TCOF1: variants seen among roughly 807,000 people sequenced by gnomAD.
TCOF1 encodes the protein treacle ribosome biogenesis factor 1, also known as treacle protein.
A neutral mutation model predicts 149.0 loss-of-function variants in TCOF1; 33 were observed. The observed-to-expected ratio is 0.22, with a 90% CI of 0.17 to 0.30. The LOEUF (loss-of-function observed/expected upper bound fraction) is 0.30. TCOF1 is among the 10% of genes least tolerant of loss of function. The pLI is 1.00. For synonymous variants in TCOF1, 789 were observed against 738.8 expected (o/e 1.07, Z -1.10); for missense variants, 1,728 against 1,840.7 (o/e 0.94, Z 1.12).
chr5:150,359,497 A>T (rs975637142), intron 1 of TCOF1, among the ~76,000 whole-genome samples: 1 of 152,178 alleles, frequency 6.6e-6, no homozygotes, highest in Non-Finnish European at 1.5e-5. Flanking sequence ...AGAGTTTTGA[A>T]CTGGTGAGAC....
At chr5:150,385,163 C>A in intron 17 of TCOF1, 1 of 891,492 alleles carries the variant, frequency 1.1e-6, no homozygotes, top group Non-Finnish European at 1.3e-6. Context: ...TGCAGTTTCA[C>A]TTGTCGGTAA....
chr5:150,396,982 A>C (rs1227818553), intron 24 of TCOF1, 140 bp downstream of exon 24: 5 of 1,013,064 alleles, frequency 4.9e-6, no homozygotes, highest in Non-Finnish European at 5.8e-6. Context: ...ACATGGCAAA[A>C]CCCCGTCTCT....
intron 17 of TCOF1, chr5:150,384,003 C>G (rs747617384): frequency 2.8e-5 from 39 of 1,385,848 alleles, no homozygotes; most frequent in Admixed American, 1.5e-4. Context: ...CCCCAAGCTC[C>G]CAGAAGCTTC....
Position 150,397,355 on chromosome 5 carries a change from G to A in TCOF1, c.4345+513G>A, listed in dbSNP as rs376252618. On this transcript the variant is annotated intron_variant, in intron 24 of 26. Transcript: ENST00000643257. Reference sequence around the variant, plus strand: ...ACCTGCTTCTCCAGCCAGCTCCTGGGTGCAGAATGGACCAGGAACCAGACT... The same window carrying A: ...ACCTGCTTCTCCAGCCAGCTCCTGGATGCAGAATGGACCAGGAACCAGACT... Among the ~76,000 whole-genome samples, 18 of 152,140 alleles carry A rather than the reference G, an allele frequency of 1.2e-4. No homozygotes were observed. The South Asian group carries it at 3.5e-3, about 30-fold the overall frequency.
intron 17 of TCOF1, chr5:150,382,946 C>T: frequency 1.3e-6 from 1 of 778,478 alleles, no homozygotes; most frequent in Non-Finnish European, 2.0e-6. Context: ...CAGGAAGGGG[C>T]CACGCTGCCT....
At chr5:150,384,886 C>A in intron 17 of TCOF1, 3 of 985,338 alleles carry the variant, frequency 3.0e-6, no homozygotes, top group South Asian at 9.4e-5. Flanking sequence ...TTTTATTAGC[C>A]CATCAGTGGG....
intron 11 of TCOF1, 28 bp downstream of exon 11, chr5:150,375,582 CT>C (rs774467353): frequency 3.1e-6 from 5 of 1,613,534 alleles, no homozygotes; most frequent in African/African-American, 1.3e-5. Flanking sequence ...AAGGCTCTTT[CT>C]TTTTCCCCCC....
At chr5:150,391,456 C>A in intron 19 of TCOF1, 88 bp from the exon 20 acceptor site, 4 of 1,214,452 alleles carry the variant, frequency 3.3e-6, no homozygotes, top group Non-Finnish European at 4.9e-6. Context: ...CCAGCCCTCA[C>A]CCCAGCCAGA....
intron 1 of TCOF1, 119 bp from the exon 2 acceptor site, chr5:150,361,037 A>G: frequency 7.3e-7 from 1 of 1,366,180 alleles, no homozygotes; most frequent in Non-Finnish European, 1.0e-6. Flanking sequence ...TGCCCAGCCA[A>G]AAAGACCCTC....
intron 8 of TCOF1, 38 bp downstream of exon 8, chr5:150,374,424 C>T (rs745439443): frequency 1.2e-5 from 19 of 1,550,430 alleles, no homozygotes; most frequent in South Asian, 3.6e-5. Context: ...CAGCCAGGCC[C>T]GTCCCCAGAA....
intron 1 of TCOF1, among the ~76,000 whole-genome samples, chr5:150,359,055 G>A (rs1759373193): frequency 6.6e-6 from 1 of 151,650 alleles, no homozygotes; most frequent in South Asian, 2.1e-4. Context: ...TTTTTTTTAA[G>A]TCCATAGCAG....
chr5:150,358,282 C>T (rs1201805216), intron 1 of TCOF1, among the ~76,000 whole-genome samples: 2 of 152,182 alleles, frequency 1.3e-5, no homozygotes, highest in East Asian at 1.9e-4. Context: ...GAAAAGGGAC[C>T]CTACAGCCTC....
chr5:150,386,148 C>G (rs1437344337), intron 17 of TCOF1, among the ~76,000 whole-genome samples: 1 of 152,220 alleles, frequency 6.6e-6, no homozygotes, highest in Non-Finnish European at 1.5e-5. Flanking sequence ...CCCAACCCCC[C>G]ACAGCCAAGC....
chr5:150,391,456 C>T, intron 19 of TCOF1, 88 bp from the exon 20 acceptor site: 3 of 1,214,450 alleles, frequency 2.5e-6, no homozygotes, highest in Non-Finnish European at 3.7e-6. Flanking sequence ...CCAGCCCTCA[C>T]CCCAGCCAGA....
intron 2 of TCOF1, among the ~76,000 whole-genome samples, chr5:150,362,782 T>G (rs1383908257): frequency 6.6e-6 from 1 of 152,074 alleles, no homozygotes; most frequent in Non-Finnish European, 1.5e-5. Context: ...CTTGCCCAGG[T>G]GAGTGGGTGT....
In TCOF1 at chr5:150,376,281, A is replaced by T. The variant is rs760265000; in HGVS notation, c.2093A>T (p.Glu698Val). ...GCAGAGGATTCTTCAAGCAGTGAGG[A>T]ATCAGATAGTGAGGAAGAGAAGACA... The part of the protein sequence containing the change: ...RPAEDSSSSE[E>V]SDSEEEKTGL... Residue 698 changes from glutamate to valine, a missense_variant, in exon 13 of 27, where the codon GAA (glutamate) becomes GTA (valine). By Grantham distance (121) the Glu-to-Val change is moderately radical (BLOSUM62 -2). This residue lies in a region of TCOF1 where 1,696 missense variants were observed against 1,765.4 expected (regional missense o/e 0.96). Coordinates refer to ENST00000643257, the MANE Select transcript of TCOF1 (RefSeq NM_001371623.1). The T allele has an allele frequency of 6.8e-6, 11 of 1,614,118 alleles. No individual in the cohort carries two copies. The South Asian group carries it at 1.1e-4, about 16-fold the overall frequency.
chr5:150,362,610 C>T lies in TCOF1; in HGVS notation c.164+1399C>T, dbSNP rs191608288. 3.1e-4 allele frequency among the ~76,000 whole-genome samples: 47 copies of T among 152,246 alleles called. 1 individual carries two copies. In the East Asian group the frequency reaches 9.1e-3, roughly 29 times the overall value. ...AGGTGGGCTAGGTGGAAGTGGTGGG[C>T]TCCCTGTCATTAGAGGTGTGTAAAC... On this transcript the variant is annotated intron_variant, in intron 2 of 26. Coordinates refer to ENST00000643257, the MANE Select transcript of TCOF1 (RefSeq NM_001371623.1).
At chr5:150,387,754 A>G in intron 17 of TCOF1, 148 bp from the exon 18 acceptor site, 2 of 1,065,620 alleles carry the variant, frequency 1.9e-6, no homozygotes, top group Non-Finnish European at 2.7e-6. Flanking sequence ...GGGAGGGGGC[A>G]CCCTGGGCAG....
intron 4 of TCOF1, chr5:150,368,403 C>G (rs116026019): frequency 2.4e-6 from 1 of 424,346 alleles, no homozygotes; most frequent in African/African-American, 2.0e-5. Context: ...TGTGCCTCTG[C>G]GATTGCCTGG....
Sources: allele counts gnomAD v4.1 joint callset (sites outside exome capture counted in the v4.1 genomes callset), GRCh38; gene constraint gnomAD v4.1.1; regional missense constraint gnomAD v4.1.1; transcripts MANE v1.5; gene names NCBI Gene and HGNC (gene_info 2026-07-23, HGNC 2026-07-21).